SGCZ: variants seen among roughly 807,000 people sequenced by gnomAD.
The protein encoded by SGCZ is sarcoglycan zeta, also known as zeta-sarcoglycan.
In SGCZ, 40 loss-of-function variants were observed where a neutral mutation model predicts 41.3. The ratio of observed to expected loss-of-function variants is 0.97; its 90% CI spans 0.75 to 1.26. SGCZ has a LOEUF of 1.26. Ranked by LOEUF, SGCZ falls within the 50% of genes most tolerant of loss-of-function variation. The pLI, the probability that SGCZ is intolerant of heterozygous loss-of-function variation, is 0.00. For missense variants in SGCZ, 552 were observed against 369.8 expected, an observed-to-expected ratio of 1.49 and a Z score of -4.04; for synonymous variants, 206 against 137.5, an observed-to-expected ratio of 1.50 and a Z score of -3.49.
intron 2 of SGCZ, among the ~76,000 whole-genome samples, chr8:14,467,213 G>T (rs754922674): frequency 6.6e-6 from 1 of 151,744 alleles, no homozygotes; most frequent in Non-Finnish European, 1.5e-5. Flanking sequence ...CATATTTGAG[G>T]TTGCTTCTGA....
chr8:14,412,498 A>G (rs1799386951), intron 2 of SGCZ, among the ~76,000 whole-genome samples: 1 of 152,140 alleles, frequency 6.6e-6, no homozygotes, highest in African/African-American at 2.4e-5. Flanking sequence ...CTCAGCATAA[A>G]TGCTGCCAGG....
intron 1 of SGCZ, among the ~76,000 whole-genome samples, chr8:15,158,873 T>TA (rs1799412530): frequency 6.6e-6 from 1 of 152,220 alleles, no homozygotes; most frequent in African/African-American, 2.4e-5. Flanking sequence ...AGGAGGGTTA[T>TA]AATCACTCTG....
At chr8:14,267,493 T>A (rs1274906355) in intron 3 of SGCZ, among the ~76,000 whole-genome samples, 3 of 152,132 alleles carry the variant, frequency 2.0e-5, no homozygotes. Context: ...GCGTTTAGGC[T>A]ATAGACATCA....
At chr8:14,788,785 G>A (rs186952999) in intron 1 of SGCZ, among the ~76,000 whole-genome samples, 40 of 152,072 alleles carry the variant, frequency 2.6e-4, no homozygotes, top group Admixed American at 2.2e-3. Context: ...CCAGCCTCCC[G>A]TTAAAACATT....
intron 3 of SGCZ, among the ~76,000 whole-genome samples, chr8:14,258,720 C>G (rs2059671): frequency 0.38 from 58,249 of 151,976 alleles, 12,564 homozygotes; most frequent in Non-Finnish European, 0.5. Flanking sequence ...TGCAAGCAGG[C>G]AAAACCCACA....
At chr8:14,347,623 TA>T (rs71722345) in intron 2 of SGCZ, among the ~76,000 whole-genome samples, 8,768 of 149,028 alleles carry the variant, frequency 0.059, 396 homozygotes, top group Middle Eastern at 0.12. Flanking sequence ...ATTATAATTA[TA>T]AAAAAAAATA....
intron 1 of SGCZ, among the ~76,000 whole-genome samples, chr8:14,835,484 CTG>C (rs1293795012): frequency 6.6e-6 from 1 of 152,166 alleles, no homozygotes; most frequent in Non-Finnish European, 1.5e-5. Flanking sequence ...GAATTGAAGA[CTG>C]TGTCTGCAGG....
chr8:14,155,859 C>T (rs536673367), intron 5 of SGCZ, among the ~76,000 whole-genome samples: 1 of 152,152 alleles, frequency 6.6e-6, no homozygotes, highest in Admixed American at 6.5e-5. Context: ...CAAACCTAGG[C>T]TAAGTGGTAT....
At chr8:15,061,392 G>A (rs980290803) in intron 1 of SGCZ, among the ~76,000 whole-genome samples, 1 of 151,848 alleles carries the variant, frequency 6.6e-6, no homozygotes, top group Non-Finnish European at 1.5e-5. Flanking sequence ...GGGGGTGCGG[G>A]GCTAAGGAAG....
intron 5 of SGCZ, among the ~76,000 whole-genome samples, chr8:14,109,947 C>A (rs1388129186): frequency 6.6e-6 from 1 of 152,094 alleles, no homozygotes; most frequent in Non-Finnish European, 1.5e-5. Flanking sequence ...TAATAGTGTT[C>A]TCTCTTCTCT....
At chr8:15,199,214 A>G (rs1201936428) in intron 1 of SGCZ, among the ~76,000 whole-genome samples, 1 of 152,184 alleles carries the variant, frequency 6.6e-6, no homozygotes, top group African/African-American at 2.4e-5. Flanking sequence ...TCATTAACTT[A>G]ACAAACATTT....
intron 2 of SGCZ, among the ~76,000 whole-genome samples, chr8:14,399,060 G>C (rs1017670394): frequency 2.0e-5 from 3 of 152,094 alleles, no homozygotes; most frequent in African/African-American, 7.2e-5. Flanking sequence ...TCTCAGGCCT[G>C]TTAAGTTCAG....
intron 3 of SGCZ, among the ~76,000 whole-genome samples, chr8:14,264,678 G>A (rs1475390814): frequency 6.6e-6 from 1 of 152,078 alleles, no homozygotes; most frequent in Non-Finnish European, 1.5e-5. Flanking sequence ...ACCCCAGATG[G>A]TTGCCGGGAG....
At chr8:14,912,527 A>C (rs930046452) in intron 1 of SGCZ, among the ~76,000 whole-genome samples, 2 of 152,048 alleles carry the variant, frequency 1.3e-5, no homozygotes, top group Non-Finnish European at 2.9e-5. Flanking sequence ...GTGTACATCA[A>C]ATTAGGACAA....
rs774502389 is a variant in SGCZ at position 15,063,955 on chromosome 8, G to T, written c.39+173630C>A. On this transcript the variant is annotated intron_variant, in intron 1 of 7. Coordinates refer to ENST00000382080, the MANE Select transcript of SGCZ (RefSeq NM_139167.4). ...TCTCTACACATCACACACAAAAATG[G>T]TTATCTTATTTTCTGTTATTCCGAT... Among the ~76,000 whole-genome samples the T allele has an allele frequency of 2.6e-5, 4 of 152,172 alleles. No individual in the cohort carries two copies. In the East Asian group the frequency reaches 5.8e-4, roughly 22 times the overall value.
intron 1 of SGCZ, among the ~76,000 whole-genome samples, chr8:14,947,356 G>A (rs193163354): frequency 1.3e-5 from 2 of 152,248 alleles, no homozygotes; most frequent in South Asian, 4.2e-4. Context: ...ATCGATTTAG[G>A]CTTATAGTGC....
intron 1 of SGCZ, among the ~76,000 whole-genome samples, chr8:14,683,882 C>T (rs1001317431): frequency 2.0e-5 from 3 of 152,158 alleles, no homozygotes; most frequent in East Asian, 1.9e-4. Context: ...CACACTTAAA[C>T]GTACCATCAA....
intron 1 of SGCZ, among the ~76,000 whole-genome samples, chr8:15,212,462 T>C (rs1356590798): frequency 1.3e-5 from 2 of 152,154 alleles, no homozygotes; most frequent in African/African-American, 4.8e-5. Flanking sequence ...GGTTTAGGAT[T>C]GTTTGGCTTC....
intron 2 of SGCZ, among the ~76,000 whole-genome samples, chr8:14,441,512 T>C (rs1029353891): frequency 1.3e-5 from 2 of 152,052 alleles, no homozygotes; most frequent in Non-Finnish European, 2.9e-5. Context: ...GAGGTGGAGG[T>C]TGCAGTAAGC....
Sources: allele counts gnomAD v4.1 joint callset (sites outside exome capture counted in the v4.1 genomes callset), GRCh38; gene constraint gnomAD v4.1.1; transcripts MANE v1.5; gene names NCBI Gene and HGNC (gene_info 2026-07-23, HGNC 2026-07-21).